Variants in FRMD5 observed in about 807,000 individuals in gnomAD.
FRMD5 encodes the protein FERM domain containing 5.
In FRMD5, 20 loss-of-function variants were observed where a neutral mutation model predicts 69.0. The ratio of observed to expected loss-of-function variants is 0.29; its 90% CI spans 0.20 to 0.42. FRMD5 has a LOEUF of 0.42. Among genes scored for constraint, FRMD5 ranks in the 10% least tolerant of loss-of-function variants. FRMD5 has a pLI of 1.00. For missense variants in FRMD5, 595 were observed against 708.6 expected, an observed-to-expected ratio of 0.84 and a Z score of 1.82; for synonymous variants, 271 against 260.1, an observed-to-expected ratio of 1.04 and a Z score of -0.40.
chr15:44,126,767 C>T (rs1440180384), intron 1 of FRMD5, among the ~76,000 whole-genome samples: 1 of 152,142 alleles, frequency 6.6e-6, no homozygotes, highest in Non-Finnish European at 1.5e-5. Flanking sequence ...TTATGTTCCT[C>T]CCACTCTCAG....
chr15:43,954,165 C>T (rs2090079108), intron 1 of FRMD5, among the ~76,000 whole-genome samples: 1 of 152,188 alleles, frequency 6.6e-6, no homozygotes, highest in South Asian at 2.1e-4. Flanking sequence ...TCAGTTTGTG[C>T]ATTTCTCATC....
intron 1 of FRMD5, among the ~76,000 whole-genome samples, chr15:43,997,094 G>A (rs903945419): frequency 6.6e-6 from 1 of 152,128 alleles, no homozygotes; most frequent in African/African-American, 2.4e-5. Context: ...AAGAGAGAAA[G>A]TTTGAACTCC....
At chr15:43,999,140 T>C (rs1890068916) in intron 1 of FRMD5, among the ~76,000 whole-genome samples, 1 of 151,894 alleles carries the variant, frequency 6.6e-6, no homozygotes, top group South Asian at 2.1e-4. Flanking sequence ...TGATCTCGGC[T>C]CACTGCAACC....
At position 44,051,712 on chromosome 15, in the gene FRMD5, G is replaced by T. The variant is rs536578836; in HGVS notation, c.103-127403C>A. Among the ~76,000 whole-genome samples the T allele has an allele frequency of 1.6e-4, 24 of 151,696 alleles. No individual in the cohort carries two copies. In the South Asian group the frequency reaches 4.6e-3, roughly 29 times the overall value. The stretch of plus-strand genomic sequence containing the variant: ...TTTTAGATTTTCCTTGTTTTTTTAT[G>T]ATCTTGACAGTTTCGAGGAGTACTA... On this transcript the variant is annotated intron_variant, in intron 1 of 13. Coordinates refer to ENST00000417257, the MANE Select transcript of FRMD5 (RefSeq NM_032892.5).
intron 1 of FRMD5, among the ~76,000 whole-genome samples, chr15:44,088,366 T>G (rs1894292977): frequency 6.6e-6 from 1 of 152,144 alleles, no homozygotes; most frequent in South Asian, 2.1e-4. Context: ...TCTCTATAGA[T>G]TTGCCTATTC....
At chr15:43,954,257 G>T (rs1344921696) in intron 1 of FRMD5, among the ~76,000 whole-genome samples, 1 of 152,240 alleles carries the variant, frequency 6.6e-6, no homozygotes, top group African/African-American at 2.4e-5. Flanking sequence ...GGCCAGAGAT[G>T]CTTCTGCCTG....
chr15:43,967,652 T>C (rs1881670452), intron 1 of FRMD5, among the ~76,000 whole-genome samples: 1 of 152,238 alleles, frequency 6.6e-6, no homozygotes, highest in Admixed American at 6.5e-5. Flanking sequence ...AACACGAGGC[T>C]GCACTGTTAG....
At chr15:43,942,863 G>A (rs1194317873) in intron 1 of FRMD5, among the ~76,000 whole-genome samples, 1 of 152,202 alleles carries the variant, frequency 6.6e-6, no homozygotes, top group Non-Finnish European at 1.5e-5. Flanking sequence ...GGGCTCAAGA[G>A]AGCCTCCTAT....
chr15:44,019,880 A>G (rs894436886), intron 1 of FRMD5, among the ~76,000 whole-genome samples: 1 of 151,864 alleles, frequency 6.6e-6, no homozygotes, highest in Non-Finnish European at 1.5e-5. Context: ...TAAATGTTGT[A>G]TTTGTTATCA....
At chr15:43,920,420 A>T (rs542068775) in intron 2 of FRMD5, among the ~76,000 whole-genome samples, 27 of 152,296 alleles carry the variant, frequency 1.8e-4, no homozygotes, top group Admixed American at 1.5e-3. Context: ...TAAAATCTAA[A>T]TCTCAAATGA....
At chr15:43,974,532 G>A (rs138570705) in intron 1 of FRMD5, among the ~76,000 whole-genome samples, 3,017 of 152,128 alleles carry the variant, frequency 0.02, 40 homozygotes, top group Middle Eastern at 0.071. Flanking sequence ...AGAAAGCATT[G>A]GAGTTAGTTA....
chr15:43,950,059 C>A (rs1229560085), intron 1 of FRMD5, among the ~76,000 whole-genome samples: 1 of 152,144 alleles, frequency 6.6e-6, no homozygotes, highest in Non-Finnish European at 1.5e-5. Flanking sequence ...TCTTGGTATG[C>A]AGGAAGGCTA....
chr15:44,189,633 C>T (rs1405031683), intron 1 of FRMD5, among the ~76,000 whole-genome samples: 2 of 151,970 alleles, frequency 1.3e-5, no homozygotes, highest in African/African-American at 4.8e-5. Context: ...GGATTACAGG[C>T]ATGTAACAGC....
intron 1 of FRMD5, among the ~76,000 whole-genome samples, chr15:44,117,869 C>CA (rs2076891754): frequency 6.6e-6 from 1 of 152,074 alleles, no homozygotes; most frequent in Admixed American, 6.5e-5. Flanking sequence ...CAGCAGTTTT[C>CA]AATCACTAAT....
intron 7 of FRMD5, among the ~76,000 whole-genome samples, chr15:43,893,517 T>C (rs969769611): frequency 7.2e-5 from 11 of 152,068 alleles, no homozygotes; most frequent in African/African-American, 2.7e-4. Flanking sequence ...GACAGGGGCG[T>C]CAGGTGAGAT....
At chr15:44,024,801 T>A (rs1385990363) in intron 1 of FRMD5, among the ~76,000 whole-genome samples, 1 of 152,344 alleles carries the variant, frequency 6.6e-6, no homozygotes, top group African/African-American at 2.4e-5. Context: ...AATAAAAACA[T>A]CTACTTCATG....
At chr15:44,112,010 A>AT in intron 1 of FRMD5, among the ~76,000 whole-genome samples, 1 of 151,298 alleles carries the variant, frequency 6.6e-6, no homozygotes, top group South Asian at 2.1e-4. Flanking sequence ...CATCCGGCTA[A>AT]TTTTTTGTAT....
chr15:43,885,577 T>A (rs2088642920), intron 11 of FRMD5, 104 bp downstream of exon 11: 2 of 953,470 alleles, frequency 2.1e-6, no homozygotes, highest in Non-Finnish European at 3.4e-6. Flanking sequence ...CAGACTTTTC[T>A]GAGTCCTCCC....
At chr15:44,000,865 G>A (rs556443188) in intron 1 of FRMD5, among the ~76,000 whole-genome samples, 4 of 152,304 alleles carry the variant, frequency 2.6e-5, no homozygotes, top group Admixed American at 6.5e-5. Flanking sequence ...CCAGGCTGGA[G>A]TGAAGTGGTG....
Sources: allele counts gnomAD v4.1 joint callset (sites outside exome capture counted in the v4.1 genomes callset), GRCh38; gene constraint gnomAD v4.1.1; transcripts MANE v1.5; gene names NCBI Gene and HGNC (gene_info 2026-07-23, HGNC 2026-07-21).